The following OPRM1 variants were observed in gnomAD, a reference collection of about 807,000 sequenced individuals.
The protein encoded by OPRM1 is mu-type opioid receptor.
OPRM1 carries 27 observed loss-of-function variants against 31.8 expected under a neutral mutation model. The ratio of observed to expected loss-of-function variants is 0.85; its 90% CI spans 0.63 to 1.17. OPRM1 has a LOEUF of 1.17. OPRM1 is among the 50% of genes most tolerant of loss of function. OPRM1 has a pLI of 0.00. For missense variants in OPRM1, 536 were observed against 511.1 expected (o/e 1.05, Z -0.47); for synonymous variants, 196 against 189.9 (o/e 1.03, Z -0.26).
At chr6:154,140,074 C>G (rs1798157545) in intron 3 of OPRM1, among the ~76,000 whole-genome samples, 1 of 152,196 alleles carries the variant, frequency 6.6e-6, no homozygotes, top group Non-Finnish European at 1.5e-5. Context: ...ATGCAAGTCA[C>G]TCTCAAGCTA....
chr6:154,205,193 T>G (rs1356682097), intron 3 of OPRM1, among the ~76,000 whole-genome samples: 1 of 152,228 alleles, frequency 6.6e-6, no homozygotes, highest in African/African-American at 2.4e-5. Context: ...GTTTGAATTA[T>G]TACTGCATTG....
At chr6:154,117,301 C>G (rs139980659) in intron 3 of OPRM1, among the ~76,000 whole-genome samples, 7 of 152,314 alleles carry the variant, frequency 4.6e-5, no homozygotes, top group Non-Finnish European at 8.8e-5. Context: ...ATTTCAACCT[C>G]TTAGAAGATG....
intron 3 of OPRM1, among the ~76,000 whole-genome samples, chr6:154,230,254 T>C (rs1256931845): frequency 1.3e-5 from 2 of 152,180 alleles, no homozygotes; most frequent in Non-Finnish European, 2.9e-5. Context: ...ATGAGGTTCA[T>C]CAGTTATAAC....
intron 1 of OPRM1, among the ~76,000 whole-genome samples, chr6:154,011,535 A>G (rs1467920912): frequency 6.6e-6 from 1 of 152,202 alleles, no homozygotes; most frequent in East Asian, 1.9e-4. Context: ...ATGTGTATTC[A>G]ACACAATGCT....
chr6:154,239,773 G>A lies in OPRM1; in HGVS notation c.1165-6920G>A, dbSNP rs574297188. Among the ~76,000 whole-genome samples the A allele has an allele frequency of 2.0e-5, 3 of 152,120 alleles. No homozygotes were observed. In the South Asian group the frequency reaches 6.2e-4, roughly 32 times the overall value. On this transcript the variant is annotated intron_variant, in intron 3 of 3. Coordinates refer to the OPRM1 transcript ENST00000337049. ...GGCTGGAGTGCAGTGATGTGATCTC[G>A]GCTAACTGCAACCTCCGCCTCCCAT...
At chr6:154,140,821 C>T (rs945539482) in intron 3 of OPRM1, among the ~76,000 whole-genome samples, 5 of 152,308 alleles carry the variant, frequency 3.3e-5, no homozygotes, top group Middle Eastern at 3.4e-3. Flanking sequence ...CAGACTGCAT[C>T]CTATTGGCCA....
intron 1 of OPRM1, among the ~76,000 whole-genome samples, chr6:154,041,045 C>T (rs1008343857): frequency 6.6e-6 from 1 of 151,938 alleles, no homozygotes; most frequent in Non-Finnish European, 1.5e-5. Flanking sequence ...GTTTGTTTCA[C>T]CTATTCAGCA....
chr6:154,038,940 TC>T (rs1378215460), upstream of OPRM1, among the ~76,000 whole-genome samples: 3 of 152,116 alleles, frequency 2.0e-5, no homozygotes, highest in Non-Finnish European at 2.9e-5. Flanking sequence ...AAATTGTGTG[TC>T]CCCCATTCCT....
chr6:154,243,009 G>A (rs1307200250), intron 3 of OPRM1, among the ~76,000 whole-genome samples: 1 of 152,318 alleles, frequency 6.6e-6, no homozygotes, highest in South Asian at 2.1e-4. Context: ...TGACCTATAA[G>A]GAGGGATAAG....
intron 3 of OPRM1, among the ~76,000 whole-genome samples, chr6:154,244,400 C>T (rs1453201104): frequency 6.6e-6 from 1 of 151,522 alleles, no homozygotes; most frequent in Non-Finnish European, 1.5e-5. Flanking sequence ...GTTTGCATAC[C>T]ATTAGTTTAA....
intron 1 of OPRM1, among the ~76,000 whole-genome samples, chr6:154,082,420 G>A (rs1337981062): frequency 1.3e-5 from 2 of 152,042 alleles, no homozygotes; most frequent in African/African-American, 4.8e-5. Context: ...ACTAAGCGCA[G>A]TAAAAAATAA....
At chr6:154,192,160 A>G (rs183340445) in intron 3 of OPRM1, among the ~76,000 whole-genome samples, 3 of 152,310 alleles carry the variant, frequency 2.0e-5, no homozygotes, top group East Asian at 1.9e-4. Flanking sequence ...ATGTATGCCT[A>G]TCTTCAACTT....
intron 3 of OPRM1, among the ~76,000 whole-genome samples, chr6:154,203,385 C>T (rs1777230364): frequency 6.6e-6 from 1 of 152,168 alleles, no homozygotes; most frequent in Non-Finnish European, 1.5e-5. Flanking sequence ...TGTGTATCAA[C>T]TTACACAGTT....
At position 154,039,828 on chromosome 6, in the gene OPRM1, T is replaced by G; in HGVS notation, c.284T>G (p.Ile95Ser). The change falls in exon 1 of 4, where the codon ATT becomes AGT. Residue 95 changes from isoleucine (I) to serine (S), a missense_variant. By Grantham distance (142) the Ile-to-Ser change is moderately radical (BLOSUM62 -2). Transcript: ENST00000330432. ...GGAAACTTCCTGGTCATGTATGTGA[T>G]TGTCAGGTAAGGAAAGCGCCAGGGC... ...LFGNFLVMYV[I>S]VRYTKMKTAT... 6.3e-7 allele frequency: 1 copy of G among 1,581,272 alleles called. No individual in the cohort carries two copies. Among genetic ancestry groups the G allele is most frequent in the Non-Finnish European group, 8.6e-7 (1 of 1,167,904 alleles).
chr6:154,160,489 A>C (rs1285023024), intron 3 of OPRM1, among the ~76,000 whole-genome samples: 3 of 152,230 alleles, frequency 2.0e-5, no homozygotes, highest in Non-Finnish European at 4.4e-5. Flanking sequence ...GATTTTATTA[A>C]ATTATCTTTA....
At chr6:154,024,523 T>G (rs545290050) in intron 1 of OPRM1, among the ~76,000 whole-genome samples, 1 of 152,110 alleles carries the variant, frequency 6.6e-6, no homozygotes, top group Non-Finnish European at 1.5e-5. Context: ...GTATTGTTTT[T>G]TACATTTCAG....
chr6:154,106,239 C>A (rs181188205), intron 3 of OPRM1, among the ~76,000 whole-genome samples: 1 of 152,296 alleles, frequency 6.6e-6, no homozygotes, highest in East Asian at 1.9e-4. Context: ...ACACACCTTG[C>A]ATGTAAGATT....
intron 3 of OPRM1, among the ~76,000 whole-genome samples, chr6:154,165,754 T>A (rs2128551844): frequency 6.6e-6 from 1 of 152,348 alleles, no homozygotes; most frequent in South Asian, 2.1e-4. Context: ...ACTGCAAAAG[T>A]AATGTGATGT....
chr6:154,166,043 C>T (rs1282258308), intron 3 of OPRM1, among the ~76,000 whole-genome samples: 1 of 152,266 alleles, frequency 6.6e-6, no homozygotes, highest in East Asian at 1.9e-4. Context: ...AGCTTGATCA[C>T]AGCCTTGTGA....
Sources: gnomAD v4.1 joint callset for allele counts (sites outside exome capture counted in the v4.1 genomes callset) on GRCh38, gnomAD v4.1.1 for gene constraint, MANE v1.5 for transcripts, NCBI Gene and HGNC (gene_info 2026-07-23, HGNC 2026-07-21) for gene names.